The following DNAH10 variants were observed in gnomAD, a reference collection of about 807,000 sequenced individuals.
The protein encoded by DNAH10 is axonemal beta dynein heavy chain 10.
DNAH10 carries 348 observed loss-of-function variants against 506.6 expected under a neutral mutation model. The ratio of observed to expected loss-of-function variants is 0.69; its 90% CI spans 0.63 to 0.75. The LOEUF (loss-of-function observed/expected upper bound fraction) is 0.75. DNAH10 is among the 30% of genes least tolerant of loss of function. The pLI is 0.00. For missense variants in DNAH10, 5,179 were observed against 5,787.1 expected (o/e 0.89, Z 3.41); for synonymous variants, 2,059 against 2,198.6 (o/e 0.94, Z 1.78).
Position 123,762,469 on chromosome 12 carries a change from A to T in DNAH10, c.133A>T (p.Asn45Tyr). 1.3e-6 allele frequency: 2 copies of T among 1,502,294 alleles called. No individual in the cohort carries two copies. Among genetic ancestry groups the T allele is most frequent in the Non-Finnish European group, 1.8e-6 (2 of 1,121,618 alleles). The allele number at this position is 1,502,294 out of a possible 1,614,324, so 93.1% of individuals were successfully genotyped here. The stretch of plus-strand genomic sequence containing the variant: ...CGAGGACCTCATCTTGCACTTCCTC[A>T]ACCAGGCGAGCGAGGAGGAGGGGCC... Reference protein sequence around the residue: ...QGEDLILHFLNQASEEEGPSA... With the variant: ...QGEDLILHFLYQASEEEGPSA... Residue 45 changes from asparagine to tyrosine, a missense_variant, in exon 1 of 79, where the codon AAC becomes TAC. Physicochemically the swap from Asn to Tyr is moderately radical, Grantham distance 143. This residue lies in a region of DNAH10 where 326 missense variants were observed against 330.8 expected (regional missense o/e 0.99). Transcript: ENST00000673944. The surrounding 1 kb of genome is among the most constrained non-coding windows in gnomAD (Gnocchi z 5.0).
intron 1 of DNAH10, among the ~76,000 whole-genome samples, chr12:123,764,921 C>T (rs976041182): frequency 3.9e-5 from 6 of 152,100 alleles, no homozygotes; most frequent in Non-Finnish European, 5.9e-5. Flanking sequence ...GAAGAGACCT[C>T]ATCCCCAACT....
chr12:123,897,452 G>A (rs930886636), intron 54 of DNAH10, among the ~76,000 whole-genome samples: 2 of 152,182 alleles, frequency 1.3e-5, no homozygotes, highest in Non-Finnish European at 2.9e-5. Flanking sequence ...GGCTGGGTGC[G>A]GTGAGTCACG....
rs570028997 is a variant in DNAH10, at chr12:123,877,141, C to T, written c.8200-595C>T. On this transcript the variant is annotated intron_variant, in intron 47 of 78. Transcript: ENST00000673944. The stretch of plus-strand genomic sequence containing the variant: ...CTTACTCCCATCCCACCTCTCATTC[C>T]CAGGAACCGTGACTCTACCTTCTGT... 3.0e-4 allele frequency among the ~76,000 whole-genome samples: 45 copies of T among 152,288 alleles called. No individual in the cohort carries two copies. In the South Asian group the frequency reaches 8.5e-3, roughly 29 times the overall value.
chr12:123,792,406 C>T (rs978497952), intron 11 of DNAH10, among the ~76,000 whole-genome samples: 1 of 151,286 alleles, frequency 6.6e-6, no homozygotes, highest in African/African-American at 2.4e-5. Context: ...TCCCAGAGCT[C>T]ATTGTCCTCC....
At position 123,931,460 on chromosome 12, in the gene DNAH10, C is replaced by G. The variant is rs1283335902; in HGVS notation, c.12904C>G (p.Gln4302Glu). 1 of 1,613,702 alleles carries G rather than the reference C, an allele frequency of 6.2e-7. No homozygotes were observed. The highest frequency in any genetic ancestry group is 8.5e-7 in the Non-Finnish European group (1 of 1,179,722). The change falls in exon 74 of 79, where the codon CAG becomes GAG. Residue 4302 changes from glutamine to glutamate, a missense_variant. This residue lies in a region of DNAH10 where 4,844 missense variants were observed against 5,430.5 expected (regional missense o/e 0.89). Coordinates refer to ENST00000673944, the MANE Select transcript of DNAH10 (RefSeq NM_001372106.1). The stretch of plus-strand genomic sequence containing the variant: ...CATGTGGGCTCACCTGCTGGAGCTG[C>G]AGCCTCAGACAGGTAAACTCTACTC... ...RDMWAHLLEL[Q>E]PQTGESSSGI...
chr12:123,766,094 C>A (rs1318420858), intron 1 of DNAH10, among the ~76,000 whole-genome samples: 3 of 146,672 alleles, frequency 2.0e-5, no homozygotes, highest in Non-Finnish European at 4.6e-5. Flanking sequence ...ATACATCTAT[C>A]TATCTATACA....
Position 123,917,884 on chromosome 12 carries a change from T to G in DNAH10, c.11232+71T>G. On this transcript the variant is annotated intron_variant, in intron 64 of 78. Transcript: ENST00000673944. This position sits in a 1 kb window ranked among gnomAD's most constrained non-coding sequence, Gnocchi z 5.6. ...TGCGCCGTTGGAGCGTCCATTTCTC[T>G]GTCTGCTCAATGAGAAAATGGGGCT... 4.1e-6 allele frequency: 6 copies of G among 1,466,162 alleles called. No individual in the cohort carries two copies. Among genetic ancestry groups the G allele is most frequent in the East Asian group, 2.5e-5 (1 of 40,248 alleles). The allele number at this position is 1,466,162 out of a possible 1,614,324, so 90.8% of individuals were successfully genotyped here. A position where few individuals can be genotyped will look rare whatever the true frequency, so the allele number is the denominator to read the frequency against.
At chr12:123,883,049 G>A (rs566110996) in intron 51 of DNAH10, among the ~76,000 whole-genome samples, 28 of 152,040 alleles carry the variant, frequency 1.8e-4, no homozygotes, top group Non-Finnish European at 3.8e-4. Flanking sequence ...GCATACATCG[G>A]TACTTCATTT....
intron 24 of DNAH10, 46 bp downstream of exon 24, chr12:123,820,804 A>G (rs369862242): frequency 6.3e-7 from 1 of 1,597,770 alleles, no homozygotes; most frequent in African/African-American, 1.3e-5. Context: ...ACTGAAGGGG[A>G]TGTAGGAATT....
At position 123,850,013 on chromosome 12, in the gene DNAH10, C is replaced by T. The variant is rs1951096124; in HGVS notation, c.6103-875C>T. Reference sequence around the variant, plus strand: ...CTCAGAGCCAGGAGGCAGCAGCTATCTGCTCTTCCCCCTGGGCCATCTGGG... The same window carrying T: ...CTCAGAGCCAGGAGGCAGCAGCTATTTGCTCTTCCCCCTGGGCCATCTGGG... On this transcript the variant is annotated intron_variant, in intron 34 of 78. Transcript: ENST00000673944. This position sits in a 1 kb window ranked among gnomAD's most constrained non-coding sequence, Gnocchi z 5.5. 6.6e-6 allele frequency among the ~76,000 whole-genome samples: 1 copy of T among 152,182 alleles called. No homozygotes were observed.
Position 123,856,344 on chromosome 12 carries a change from CTATCT to C in DNAH10, c.6439-710_6439-706del, listed in dbSNP as rs1243330232. Among the ~76,000 whole-genome samples, 3 of 149,018 alleles carry C rather than the reference CTATCT, an allele frequency of 2.0e-5. No homozygotes were observed. The East Asian group carries it at 5.9e-4, about 29-fold the overall frequency. On this transcript the variant is annotated intron_variant, in intron 36 of 78. Coordinates refer to ENST00000673944, the MANE Select transcript of DNAH10 (RefSeq NM_001372106.1). Reference sequence around the variant, plus strand: ...TGTGTGTGTATATCTATCTATCTATCTATCTTTTTTTCGAGACAGAGTTTCACTCT... The same window carrying C: ...TGTGTGTGTATATCTATCTATCTATCTTTTTTCGAGACAGAGTTTCACTCT...
intron 56 of DNAH10, among the ~76,000 whole-genome samples, chr12:123,900,587 C>G (rs965778748): frequency 6.6e-6 from 1 of 152,156 alleles, no homozygotes; most frequent in African/African-American, 2.4e-5. Flanking sequence ...CACCTTGCTC[C>G]CACTTGGAAT....
Position 123,928,098 on chromosome 12 carries a change from G to A in DNAH10, c.12106-289G>A, listed in dbSNP as rs151203128. On this transcript the variant is annotated intron_variant, in intron 69 of 78. Transcript: ENST00000673944. This position sits in a 1 kb window ranked among gnomAD's most constrained non-coding sequence, Gnocchi z 4.9. ...TCAGGAGTCCTCAGGGGACAGGAGC[G>A]ACTGTGTGGGAGGAGCTGGGACTTC... The A allele has an allele frequency of 9.4e-4, 502 of 535,468 alleles. 2 individuals are homozygous for A. Among genetic ancestry groups the A allele is most frequent in the African/African-American group, 8.9e-3 (472 of 52,870 alleles). The allele number at this position is 535,468 out of a possible 1,614,324, so 33.2% of individuals were successfully genotyped here.
rs747168757 is a variant in DNAH10, at chr12:123,931,727, C to T, written c.13008C>T (p.Asp4336=). 6.2e-7 allele frequency: 1 copy of T among 1,614,034 alleles called. No individual in the cohort carries two copies. The highest frequency in any genetic ancestry group is 1.3e-5 in the African/African-American group (1 of 75,070). Reference sequence around the variant, plus strand: ...AGATGCCCAAAGTCTTTGACTTGGACCAGGTGAGGAAGCGCCTCGGAACAG... The same window carrying T: ...AGATGCCCAAAGTCTTTGACTTGGATCAGGTGAGGAAGCGCCTCGGAACAG... The part of the protein sequence containing the change: ...ENKMPKVFDL[D]QVRKRLGTGL... The change falls in exon 75 of 79, where the codon GAC becomes GAT. Residue 4336 remains aspartate (D), a synonymous_variant. Coordinates refer to ENST00000673944, the MANE Select transcript of DNAH10 (RefSeq NM_001372106.1).
Position 123,868,073 on chromosome 12 carries a change from T to C in DNAH10, c.7473T>C (p.Ser2491=), listed in dbSNP as rs776855069. The change falls in exon 43 of 79, where the codon TCT becomes TCC. Residue 2491 remains serine, a synonymous_variant. Coordinates refer to ENST00000673944, the MANE Select transcript of DNAH10 (RefSeq NM_001372106.1). ...ATATCAAACGCCTTGCTTCTTTGTC[T>C]ACTGTTGACACAGAAGGAGTTTGGG... ...DEYIKRLASL[S]TVDTEGVWAN... is the part of the protein sequence containing the mutation. The C allele has an allele frequency of 1.2e-6, 2 of 1,613,882 alleles. No individual in the cohort carries two copies. The highest frequency in any genetic ancestry group is 3.3e-5 in the Admixed American group (2 of 60,020).
At position 123,813,595 on chromosome 12, in the gene DNAH10, T is replaced by G. The variant is rs1959028441; in HGVS notation, c.3576T>G (p.Asn1192Lys). ...TGATTTCGCTTGGAAAACTTCTCAA[T>G]GAGTCAGCAAAAGAGGAGCTCTATA... ...SWVISLGKLLNESAKEELYNL... is the reference protein window; with the variant it reads ...SWVISLGKLLKESAKEELYNL... Residue 1192 changes from asparagine (N) to lysine (K), a missense_variant, in exon 20 of 79, where the codon AAT becomes AAG. Transcript: ENST00000673944. The G allele has an allele frequency of 1.2e-6, 2 of 1,614,192 alleles. No individual in the cohort carries two copies. The highest frequency in any genetic ancestry group is 1.6e-4 in the Middle Eastern group (1 of 6,062).
intron 1 of DNAH10, among the ~76,000 whole-genome samples, chr12:123,765,907 T>C (rs557237524): frequency 2.0e-5 from 3 of 151,920 alleles, no homozygotes; most frequent in African/African-American, 7.2e-5. Flanking sequence ...TACCTATACA[T>C]CTATCCCTCT....
chr12:123,878,070 G>C lies in DNAH10; in HGVS notation c.8372+162G>C, dbSNP rs544697354. ...GAAGAGAGACCAACACTTGGCTTAAGGCTTGATGCTTTGTAAGCCTTTGCA... is the reference window on the plus strand; with the variant it reads ...GAAGAGAGACCAACACTTGGCTTAACGCTTGATGCTTTGTAAGCCTTTGCA... On this transcript the variant is annotated intron_variant, in intron 48 of 78. Coordinates refer to ENST00000673944, the MANE Select transcript of DNAH10 (RefSeq NM_001372106.1). 3.3e-5 allele frequency among the ~76,000 whole-genome samples: 5 copies of C among 152,324 alleles called. No homozygotes were observed. The South Asian group carries it at 8.3e-4, about 25-fold the overall frequency.
rs1950922692 is a variant in DNAH10 at position 123,845,700 on chromosome 12, G to A, written c.5461G>A (p.Gly1821Arg). The A allele has an allele frequency of 5.6e-6, 9 of 1,613,944 alleles. No homozygotes were observed. Among genetic ancestry groups the A allele is most frequent in the Non-Finnish European group, 7.6e-6 (9 of 1,179,882 alleles). Residue 1821 changes from glycine to arginine, a missense_variant, in exon 31 of 79, where the codon GGG becomes AGG. Gly to Arg is a moderately radical substitution (Grantham distance 125, BLOSUM62 -2). This residue lies in a region of DNAH10 where 4,844 missense variants were observed against 5,430.5 expected (regional missense o/e 0.89). Coordinates refer to ENST00000673944, the MANE Select transcript of DNAH10 (RefSeq NM_001372106.1). ...VEDVFHKAQK[G>R]EKQAMKNYGR... ...AGACGTCTTCCACAAAGCGCAAAAA[G>A]GGGAGAAGCAGGCCATGAAGAACTA...
Sources: allele counts gnomAD v4.1 joint callset (sites outside exome capture counted in the v4.1 genomes callset), GRCh38; gene constraint gnomAD v4.1.1; regional missense constraint gnomAD v4.1.1; non-coding constraint Gnocchi (gnomAD v3.1); transcripts MANE v1.5; gene names NCBI Gene and HGNC (gene_info 2026-07-23, HGNC 2026-07-21).